The following EYS variants were observed in gnomAD, a reference collection of about 807,000 sequenced individuals.
EYS encodes the protein EGF-like photoreceptor maintenance factor.
Under a neutral mutation model 282.1 loss-of-function variants are expected in EYS, and 250 were observed. The ratio of observed to expected loss-of-function variants is 0.89; its 90% confidence interval spans 0.80 to 0.98. The LOEUF (loss-of-function observed/expected upper bound fraction) is 0.98, where lower values mean the gene tolerates loss of function less well. EYS is among the 50% of genes least tolerant of loss of function. The pLI is 0.00. For synonymous variants in EYS, 1,355 were observed against 1,282.9 expected, an observed-to-expected ratio of 1.06 and a Z score of -1.20; for missense variants, 4,016 against 3,709.0, an observed-to-expected ratio of 1.08 and a Z score of -2.15.
Position 65,495,276 on chromosome 6 carries a change from T to C in EYS, c.135A>G (p.Leu45=). The C allele has an allele frequency of 1.2e-6, 2 of 1,614,146 alleles. No individual in the cohort carries two copies. The highest frequency in any genetic ancestry group is 1.7e-6 in the Non-Finnish European group (2 of 1,180,020). Residue 45 remains leucine (L), a synonymous_variant, in exon 4 of 43, where the codon CTA becomes CTG. Coordinates refer to ENST00000503581, the MANE Select transcript of EYS (RefSeq NM_001142800.2). Reference sequence around the variant, plus strand: ...AGAAGTCCAAGCAGATGTTTTCTGTTAGTGTCCAATTTACCACATATGATG... The same window carrying C: ...AGAAGTCCAAGCAGATGTTTTCTGTCAGTGTCCAATTTACCACATATGATG... ...QPSSYVVNWT[L]TENICLDFYR... is the part of the protein sequence containing the mutation.
At chr6:64,850,661 A>G (rs931543284) in intron 19 of EYS, among the ~76,000 whole-genome samples, 2 of 152,040 alleles carry the variant, frequency 1.3e-5, no homozygotes, top group Non-Finnish European at 2.9e-5. Flanking sequence ...GGGAGAAAAG[A>G]CAGTAATTGA....
At chr6:65,608,047 A>G (rs538938071) in intron 2 of EYS, among the ~76,000 whole-genome samples, 126 of 152,028 alleles carry the variant, frequency 8.3e-4, no homozygotes, top group Non-Finnish European at 1.6e-3. Flanking sequence ...ACATTCAGCA[A>G]TCTTTAGAAT....
chr6:64,888,776 A>T (rs966596381), intron 18 of EYS, among the ~76,000 whole-genome samples: 1 of 152,040 alleles, frequency 6.6e-6, no homozygotes, highest in East Asian at 1.9e-4. Context: ...TAAAATCAAG[A>T]TATGTTTGTT....
intron 26 of EYS, among the ~76,000 whole-genome samples, chr6:64,544,620 C>T (rs1176498611): frequency 6.6e-6 from 1 of 151,946 alleles, no homozygotes; most frequent in Non-Finnish European, 1.5e-5. Flanking sequence ...TGATAGACCA[C>T]TAGGAAGACT....
intron 7 of EYS, among the ~76,000 whole-genome samples, chr6:65,400,041 G>A (rs909504836): frequency 6.6e-6 from 1 of 151,928 alleles, no homozygotes; most frequent in Admixed American, 6.6e-5. Flanking sequence ...CTTCCAAATG[G>A]TTCAAGTATC....
intron 26 of EYS, among the ~76,000 whole-genome samples, chr6:64,503,933 GCTCTCTCT>G (rs1021915885): frequency 6.6e-6 from 1 of 151,716 alleles, no homozygotes; most frequent in East Asian, 1.9e-4. Flanking sequence ...ATCCCCCTTG[GCTCTCTCT>G]CTCTCCTGCT....
intron 12 of EYS, among the ~76,000 whole-genome samples, chr6:65,215,797 C>T (rs1394486426): frequency 6.6e-6 from 1 of 152,164 alleles, no homozygotes; most frequent in Non-Finnish European, 1.5e-5. Context: ...CAGCAGCCAT[C>T]AACATTGAGA....
At chr6:65,582,203 A>AAATG (rs1764900085) in intron 2 of EYS, among the ~76,000 whole-genome samples, 1 of 121,214 alleles carries the variant, frequency 8.2e-6, no homozygotes, top group South Asian at 2.4e-4. Context: ...CTCAACAAAT[A>AAATG]AATAAATAAA....
intron 2 of EYS, among the ~76,000 whole-genome samples, chr6:65,562,487 T>C (rs2127346194): frequency 6.6e-6 from 1 of 151,928 alleles, no homozygotes; most frequent in East Asian, 1.9e-4. Flanking sequence ...ATGAAATAAG[T>C]GAAAAAACCC....
chr6:64,088,620 T>C (rs567086344), intron 31 of EYS, among the ~76,000 whole-genome samples: 1 of 152,102 alleles, frequency 6.6e-6, no homozygotes, highest in African/African-American at 2.4e-5. Flanking sequence ...ATGCTAAAAG[T>C]ATGGATTATC....
intron 26 of EYS, among the ~76,000 whole-genome samples, chr6:64,453,759 A>T (rs549804319): frequency 6.6e-6 from 1 of 152,238 alleles, no homozygotes; most frequent in African/African-American, 2.4e-5. Context: ...TCACAAGGAG[A>T]AAAAACCAAA....
chr6:65,431,052 A>G (rs1767867344), intron 5 of EYS, among the ~76,000 whole-genome samples: 1 of 152,218 alleles, frequency 6.6e-6, no homozygotes, highest in African/African-American at 2.4e-5. Flanking sequence ...GAGTACTGCC[A>G]CAGTCAGGCA....
chr6:65,627,457 A>C (rs953341815), intron 2 of EYS, among the ~76,000 whole-genome samples: 3 of 152,104 alleles, frequency 2.0e-5, no homozygotes, highest in African/African-American at 7.2e-5. Flanking sequence ...CCGCCGCTGC[A>C]CTGTGGGAGC....
At chr6:64,346,365 T>C (rs1420609987) in intron 29 of EYS, among the ~76,000 whole-genome samples, 1 of 152,028 alleles carries the variant, frequency 6.6e-6, no homozygotes. Flanking sequence ...TGGAATACTA[T>C]GCAGCCATAA....
intron 27 of EYS, among the ~76,000 whole-genome samples, chr6:64,437,130 T>C (rs1165410348): frequency 6.6e-6 from 1 of 151,706 alleles, no homozygotes; most frequent in East Asian, 1.9e-4. Context: ...AAGACTCCTT[T>C]CCTTTATAAG....
intron 5 of EYS, among the ~76,000 whole-genome samples, chr6:65,434,148 G>C (rs145230007): frequency 1.3e-5 from 2 of 152,192 alleles, no homozygotes; most frequent in African/African-American, 2.4e-5. Context: ...ATAGTGCTGA[G>C]AGCCCTCAAG....
At chr6:64,761,905 G>C (rs888934698) in intron 22 of EYS, among the ~76,000 whole-genome samples, 2 of 152,122 alleles carry the variant, frequency 1.3e-5, no homozygotes, top group Non-Finnish European at 2.9e-5. Flanking sequence ...CCTTTTGGGG[G>C]AGAAAAGGAG....
chr6:65,388,920 T>C (rs1468251412), intron 7 of EYS, among the ~76,000 whole-genome samples: 3 of 152,082 alleles, frequency 2.0e-5, no homozygotes, highest in African/African-American at 7.2e-5. Context: ...TTGTTCTTTT[T>C]CTTTCTCATT....
chr6:64,840,714 T>TAACAAGTG (rs1765537067), intron 19 of EYS, among the ~76,000 whole-genome samples: 1 of 152,144 alleles, frequency 6.6e-6, no homozygotes, highest in African/African-American at 2.4e-5. Context: ...ATGTAGATGG[T>TAACAAGTG]AACAAGTGTT....
Sources: gnomAD v4.1 joint callset for allele counts (sites outside exome capture counted in the v4.1 genomes callset) on GRCh38, gnomAD v4.1.1 for gene constraint, MANE v1.5 for transcripts, NCBI Gene and HGNC (gene_info 2026-07-23, HGNC 2026-07-21) for gene names.